H6PD: variants seen among roughly 807,000 people sequenced by gnomAD.
H6PD encodes the protein hexose-6-phosphate dehydrogenase/glucose 1-dehydrogenase.
Under a neutral mutation model 61.2 loss-of-function variants are expected in H6PD, and 48 were observed. The ratio of observed to expected loss-of-function variants is 0.78; its 90% CI spans 0.62 to 1.00. H6PD has a LOEUF of 1.00. Ranked by LOEUF, H6PD falls within the 50% of genes least tolerant of loss-of-function variation. H6PD has a pLI of 0.00. For synonymous variants in H6PD, 480 were observed against 457.9 expected (o/e 1.05, Z -0.62); for missense variants, 1,093 against 1,065.0 (o/e 1.03, Z -0.37).
chr1:9,253,954 G>A (rs1388845789), intron 3 of H6PD, among the ~76,000 whole-genome samples: 1 of 152,192 alleles, frequency 6.6e-6, no homozygotes, highest in African/African-American at 2.4e-5. Context: ...AACTCCTTCA[G>A]GCCCACAGAA....
At chr1:9,244,680 C>T (rs971498388) in intron 1 of H6PD, among the ~76,000 whole-genome samples, 1 of 152,226 alleles carries the variant, frequency 6.6e-6, no homozygotes, top group Non-Finnish European at 1.5e-5. Context: ...TGGTTCATCT[C>T]TAGCAAGTGG....
intron 4 of H6PD, among the ~76,000 whole-genome samples, 185 bp downstream of exon 4, chr1:9,262,513 C>G (rs1638357087): frequency 6.6e-6 from 1 of 152,240 alleles, no homozygotes; most frequent in Non-Finnish European, 1.5e-5. Context: ...GGCAGGCCAG[C>G]TGGTGGTGCC....
Position 9,268,272 on chromosome 1 carries a change from G to A in H6PD, c.*3403G>A, listed in dbSNP as rs542829984. 1 of 148,892 alleles carries A rather than the reference G, an allele frequency of 6.7e-6. No individual in the cohort carries two copies. The highest frequency in any genetic ancestry group is 1.5e-5 in the Non-Finnish European group (1 of 67,592). The allele number at this position is 148,892 out of a possible 1,614,324, so 9.2% of individuals were successfully genotyped here. On this transcript the variant is annotated 3_prime_UTR_variant, in exon 5 of 5. Coordinates refer to ENST00000377403, the MANE Select transcript of H6PD (RefSeq NM_004285.4). Reference sequence around the variant, plus strand: ...AAAAAAAAAAAAAGGAAAGAGTGATGACAACAGCCCAGGGAGCAGCCCCGC... The same window carrying A: ...AAAAAAAAAAAAAGGAAAGAGTGATAACAACAGCCCAGGGAGCAGCCCCGC...
rs765247556 is a variant in H6PD, at chr1:9,247,019, C to T, written c.681C>T (p.Gly227=). 7 of 1,614,094 alleles carry T rather than the reference C, an allele frequency of 4.3e-6. No individual in the cohort carries two copies. The highest frequency in any genetic ancestry group is 5.1e-6 in the Non-Finnish European group (6 of 1,179,996). ...FRDQNRKALD[G]LWNRHHVERV... ...ACCAGAACCGCAAGGCTTTGGACGG[C>T]CTCTGGAACCGGCACCATGTGGAGC... is the stretch of plus-strand genomic sequence containing the variant. The change falls in exon 3 of 5, where the codon GGC becomes GGT. Residue 227 remains glycine (G), a synonymous_variant. Coordinates refer to ENST00000377403, the MANE Select transcript of H6PD (RefSeq NM_004285.4).
chr1:9,264,485 C>T lies in H6PD; in HGVS notation c.1992C>T (p.Ala664=), dbSNP rs750856233. Residue 664 remains alanine, a synonymous_variant, in exon 5 of 5, where the codon GCC becomes GCT. Transcript: ENST00000377403. ...MPVHLQQRLC[A]EEDQGAQIYA... Reference sequence around the variant, plus strand: ...TGCACCTGCAGCAGCGGCTCTGCGCCGAGGAGGACCAGGGCGCCCAGATCT... The same window carrying T: ...TGCACCTGCAGCAGCGGCTCTGCGCTGAGGAGGACCAGGGCGCCCAGATCT... 26 of 1,613,064 alleles carry T rather than the reference C, an allele frequency of 1.6e-5. No individual in the cohort carries two copies. Among genetic ancestry groups the T allele is most frequent in the Middle Eastern group, 3.3e-4 (2 of 6,084 alleles).
intron 1 of H6PD, 115 bp from the exon 2 acceptor site, chr1:9,244,810 T>G: frequency 2.0e-6 from 2 of 989,532 alleles, no homozygotes; most frequent in Admixed American, 3.6e-5. Flanking sequence ...TAACATTTTC[T>G]TAAGAAACAC....
chr1:9,261,973 G>C (rs749107996), intron 3 of H6PD, 86 bp from the exon 4 acceptor site: 22 of 1,351,776 alleles, frequency 1.6e-5, no homozygotes, highest in Non-Finnish European at 5.3e-6. Context: ...ATGAATGTGC[G>C]GGCTGGGGTT....
Position 9,262,084 on chromosome 1 carries a change from C to T in H6PD, c.771C>T (p.Tyr257=), listed in dbSNP as rs116403427. 1.3e-3 allele frequency: 2,118 copies of T among 1,614,202 alleles called. 21 individuals carry two copies. The African/African-American group carries it at 0.021, about 16-fold the overall frequency. The part of the protein sequence containing the change: ...AEGRTSFYEE[Y]GVIRDVLQNH... ...GCCGCACCAGCTTCTATGAGGAGTA[C>T]GGTGTCATTCGCGACGTCCTCCAGA... is the stretch of plus-strand genomic sequence containing the variant. The change falls in exon 4 of 5, where the codon TAC becomes TAT. Residue 257 remains tyrosine (Y), a synonymous_variant. Coordinates refer to ENST00000377403, the MANE Select transcript of H6PD (RefSeq NM_004285.4).
chr1:9,238,753 A>G (rs139381980), intron 1 of H6PD, among the ~76,000 whole-genome samples: 1 of 152,196 alleles, frequency 6.6e-6, no homozygotes, highest in East Asian at 1.9e-4. Context: ...AGTTTAGGGG[A>G]AGTTCGGGCT....
intron 4 of H6PD, 37 bp downstream of exon 4, chr1:9,262,365 C>T (rs957383215): frequency 3.8e-6 from 6 of 1,565,484 alleles, no homozygotes; most frequent in Non-Finnish European, 5.2e-6. Flanking sequence ...ACTGGGCTGC[C>T]CACTTCGCCG....
intron 1 of H6PD, 59 bp downstream of exon 1, chr1:9,235,125 G>C (rs79287632): frequency 0.041 from 6,084 of 149,754 alleles, 186 homozygotes; most frequent in Non-Finnish European, 0.064. Flanking sequence ...AACCCGCGCT[G>C]CCGCCGGGCC....
rs180831722 is a variant in H6PD, at chr1:9,257,711, G to T, written c.746-4348G>T. 2.0e-5 allele frequency among the ~76,000 whole-genome samples: 3 copies of T among 152,336 alleles called. No individual in the cohort carries two copies. In the East Asian group the frequency reaches 5.8e-4, roughly 29 times the overall value. On this transcript the variant is annotated intron_variant, in intron 3 of 4. Coordinates refer to ENST00000377403, the MANE Select transcript of H6PD (RefSeq NM_004285.4). ...AGCCAGGGCCCCTCAGAAGGGGTAG[G>T]CCAAAGCTCCTAGAAGCTGAGCCCT...
In H6PD at chr1:9,244,960, T is replaced by C. The variant is rs763666648; in HGVS notation, c.26T>C (p.Met9Thr). The change falls in exon 2 of 5, where the codon ATG becomes ACG. Residue 9 changes from methionine (M) to threonine (T), a missense_variant. Physicochemically the swap from Met to Thr is moderately conservative, Grantham distance 81. Coordinates refer to ENST00000377403, the MANE Select transcript of H6PD (RefSeq NM_004285.4). MWNMLIVA[M>T]CLALLGCLQA... ...ATGTGGAATATGCTCATAGTGGCGA[T>C]GTGCTTGGCCCTTCTGGGCTGCCTG... 5 of 1,614,030 alleles carry C rather than the reference T, an allele frequency of 3.1e-6. No homozygotes were observed. In the African/African-American group the frequency reaches 4.0e-5, roughly 13 times the overall value.
chr1:9,263,484 A>G, intron 4 of H6PD, 25 bp from the exon 5 acceptor site: 1 of 1,612,110 alleles, frequency 6.2e-7, no homozygotes, highest in East Asian at 2.2e-5. Context: ...CCAGAGAGTC[A>G]CCCTCTGCTG....
chr1:9,256,542 G>C (rs2100366046), intron 3 of H6PD, among the ~76,000 whole-genome samples: 1 of 152,338 alleles, frequency 6.6e-6, no homozygotes, highest in East Asian at 1.9e-4. Flanking sequence ...GCCCGAGAGT[G>C]CACACCACCA....
chr1:9,246,695 CTTTAT>C (rs1379630945), intron 2 of H6PD, among the ~76,000 whole-genome samples: 1 of 152,158 alleles, frequency 6.6e-6, no homozygotes, highest in Admixed American at 6.5e-5. Context: ...TTAAACCTAT[CTTTAT>C]TTTATTAAAA....
intron 3 of H6PD, 45 bp downstream of exon 3, chr1:9,247,128 C>A: frequency 2.3e-6 from 3 of 1,289,692 alleles, no homozygotes; most frequent in Non-Finnish European, 3.4e-6. Flanking sequence ...CCTCTGCCTG[C>A]CCGCTGTCTG....
rs1638460522 is a variant in H6PD, at chr1:9,264,185, C to T, written c.1692C>T (p.Ile564=). ...TCTCCGCCTGGTCCGAGGAGCTGAT[C>T]TCTAAGCTGGCTAATGACATCGAGG... ...PLVSAWSEEL[I]SKLANDIEAT... The change falls in exon 5 of 5, where the codon ATC becomes ATT. Residue 564 remains isoleucine (I), a synonymous_variant. Coordinates refer to ENST00000377403, the MANE Select transcript of H6PD (RefSeq NM_004285.4). 1.2e-6 allele frequency: 2 copies of T among 1,611,948 alleles called. No homozygotes were observed. Among genetic ancestry groups the T allele is most frequent in the Non-Finnish European group, 1.7e-6 (2 of 1,178,860 alleles).
At chr1:9,235,130 C>A (rs1479460297) in intron 1 of H6PD, 64 bp downstream of exon 1, 1 of 150,038 alleles carries the variant, frequency 6.7e-6, no homozygotes, top group African/African-American at 2.4e-5. Flanking sequence ...GCGCTGCCGC[C>A]GGGCCCGAGG....
Sources: gnomAD v4.1 joint callset for allele counts (sites outside exome capture counted in the v4.1 genomes callset) on GRCh38, gnomAD v4.1.1 for gene constraint, MANE v1.5 for transcripts, NCBI Gene and HGNC (gene_info 2026-07-23, HGNC 2026-07-21) for gene names.